RIMS2: variants seen among roughly 807,000 people sequenced by gnomAD.
RIMS2 encodes the protein regulating synaptic membrane exocytosis protein 2.
RIMS2 carries 59 observed loss-of-function variants against 174.4 expected under a neutral mutation model. The ratio of observed to expected loss-of-function variants is 0.34; its 90% CI spans 0.27 to 0.42. The LOEUF (loss-of-function observed/expected upper bound fraction) is 0.42. RIMS2 is among the 10% of genes least tolerant of loss of function. The probability of loss-of-function intolerance (pLI) is 1.00; values close to 1 mark genes in which losing one functional copy is unlikely to be tolerated. For synonymous variants in RIMS2, 606 were observed against 572.5 expected (o/e 1.06, Z -0.84); for missense variants, 1,620 against 1,666.3 (o/e 0.97, Z 0.48).
At position 103,938,575 on chromosome 8, in the gene RIMS2, C is replaced by T. The variant is rs1386785200; in HGVS notation, c.2547+1853C>T. ...CCATATCATTCCATTCTGTCCCCTC[C>T]CAAATCTCATGTCGTCACATTTCAA... On this transcript the variant is annotated intron_variant, in intron 13 of 23. Transcript: ENST00000504942. Among the ~76,000 whole-genome samples, 3 of 151,990 alleles carry T rather than the reference C, an allele frequency of 2.0e-5. No homozygotes were observed. The South Asian group carries it at 6.2e-4, about 31-fold the overall frequency.
At chr8:104,099,664 T>G (rs2130884381) in intron 19 of RIMS2, among the ~76,000 whole-genome samples, 1 of 152,218 alleles carries the variant, frequency 6.6e-6, no homozygotes, top group Admixed American at 6.5e-5. Context: ...TCTGGGATTT[T>G]GATAGAGATT....
intron 19 of RIMS2, among the ~76,000 whole-genome samples, chr8:104,089,054 G>A (rs1484980950): frequency 3.3e-5 from 5 of 151,836 alleles, no homozygotes; most frequent in Middle Eastern, 3.4e-3. Flanking sequence ...AATGTTGTCC[G>A]GAAAAACTTC....
chr8:103,554,566 A>G (rs148052716), intron 1 of RIMS2, among the ~76,000 whole-genome samples: 11 of 152,336 alleles, frequency 7.2e-5, no homozygotes, highest in African/African-American at 2.6e-4. Context: ...AGAAAAGGGA[A>G]CACTTATGCA....
At chr8:104,045,415 CAT>C (rs1240077258) in intron 19 of RIMS2, among the ~76,000 whole-genome samples, 1 of 151,800 alleles carries the variant, frequency 6.6e-6, no homozygotes, top group Non-Finnish European at 1.5e-5. Context: ...TTTTCTTACT[CAT>C]ATGAAATTTC....
chr8:104,172,515 A>T (rs1389869461), intron 19 of RIMS2, among the ~76,000 whole-genome samples: 1 of 152,194 alleles, frequency 6.6e-6, no homozygotes, highest in Admixed American at 6.5e-5. Context: ...GGCCAAGTTC[A>T]TTTGTTAATG....
intron 1 of RIMS2, among the ~76,000 whole-genome samples, chr8:103,656,554 A>G (rs60299412): frequency 0.048 from 7,335 of 152,222 alleles, 587 homozygotes; most frequent in African/African-American, 0.17. Context: ...AGACAAGCTG[A>G]TAAGTAATTA....
intron 2 of RIMS2, among the ~76,000 whole-genome samples, chr8:103,763,130 G>T (rs2098130034): frequency 6.6e-6 from 1 of 151,946 alleles, no homozygotes; most frequent in Admixed American, 6.6e-5. Context: ...GGTAACCAGG[G>T]TGTCAATATA....
chr8:104,015,479 G>A, intron 19 of RIMS2: 1 of 679,226 alleles, frequency 1.5e-6, no homozygotes, highest in Non-Finnish European at 2.7e-6. Context: ...AAGAGGGTTT[G>A]TTTTGTGCTA....
At chr8:103,784,108 TG>T (rs1225932633) in intron 3 of RIMS2, among the ~76,000 whole-genome samples, 2 of 148,846 alleles carry the variant, frequency 1.3e-5, no homozygotes, top group African/African-American at 4.9e-5. Flanking sequence ...CACTTTTTGA[TG>T]GGGTTGTTTG....
At chr8:103,552,749 G>A (rs1848598077) in intron 1 of RIMS2, among the ~76,000 whole-genome samples, 1 of 152,128 alleles carries the variant, frequency 6.6e-6, no homozygotes, top group South Asian at 2.1e-4. Context: ...AAGTTTACAA[G>A]AAAGAATCAA....
At chr8:103,921,411 G>C (rs2077628261) in intron 9 of RIMS2, among the ~76,000 whole-genome samples, 1 of 152,020 alleles carries the variant, frequency 6.6e-6, no homozygotes, top group Non-Finnish European at 1.5e-5. Context: ...TAATAACTAA[G>C]TCCTGAGGTA....
At chr8:103,565,583 C>T (rs2092252675) in intron 1 of RIMS2, among the ~76,000 whole-genome samples, 1 of 152,114 alleles carries the variant, frequency 6.6e-6, no homozygotes, top group Non-Finnish European at 1.5e-5. Context: ...TGGCATTACA[C>T]CGCACTTGGC....
intron 19 of RIMS2, among the ~76,000 whole-genome samples, chr8:104,225,234 G>T (rs1437058270): frequency 6.6e-6 from 1 of 152,108 alleles, no homozygotes; most frequent in Non-Finnish European, 1.5e-5. Flanking sequence ...GAAGACTGAG[G>T]CAGGGAGAGA....
At chr8:103,526,033 C>T (rs768774930) in intron 1 of RIMS2, among the ~76,000 whole-genome samples, 1 of 152,178 alleles carries the variant, frequency 6.6e-6, no homozygotes, top group Non-Finnish European at 1.5e-5. Flanking sequence ...ATGGGAATCT[C>T]GCTGTTTCCA....
At chr8:103,889,615 C>T (rs544882629) in intron 4 of RIMS2, among the ~76,000 whole-genome samples, 7 of 151,086 alleles carry the variant, frequency 4.6e-5, no homozygotes, top group Non-Finnish European at 8.9e-5. Flanking sequence ...AAATTGGTAG[C>T]GAGTTTATAA....
intron 2 of RIMS2, among the ~76,000 whole-genome samples, chr8:103,763,162 G>T (rs190941162): frequency 6.6e-6 from 1 of 152,230 alleles, no homozygotes; most frequent in Admixed American, 6.5e-5. Context: ...ATACTAGGAG[G>T]CATGGTGGCT....
At chr8:103,945,527 C>G (rs1037794305) in intron 14 of RIMS2, among the ~76,000 whole-genome samples, 58 of 152,156 alleles carry the variant, frequency 3.8e-4, no homozygotes, top group African/African-American at 1.3e-3. Context: ...AACATACACA[C>G]AGACATCTTC....
chr8:103,614,091 C>T (rs1027096213), intron 1 of RIMS2, among the ~76,000 whole-genome samples: 1 of 152,228 alleles, frequency 6.6e-6, no homozygotes, highest in African/African-American at 2.4e-5. Context: ...CTGAGCCCAT[C>T]CCAGCACTAG....
intron 1 of RIMS2, 149 bp downstream of exon 1, chr8:103,501,211 CG>C: frequency 2.1e-6 from 1 of 475,088 alleles, no homozygotes; most frequent in East Asian, 3.9e-5. Flanking sequence ...GCCGGCCGCC[CG>C]GGCTGTTTTA....
Sources: allele counts gnomAD v4.1 joint callset (sites outside exome capture counted in the v4.1 genomes callset), GRCh38; gene constraint gnomAD v4.1.1; transcripts MANE v1.5; gene names NCBI Gene and HGNC (gene_info 2026-07-23, HGNC 2026-07-21).